The following MED28 variants were observed in gnomAD, a reference collection of about 807,000 sequenced individuals.
MED28 encodes mediator complex subunit 28.
Under a neutral mutation model 21.3 loss-of-function variants are expected in MED28, and 26 were observed. The observed-to-expected ratio is 1.22, with a 90% CI of 0.89 to 1.69. MED28 has a LOEUF of 1.69. Among genes scored for constraint, MED28 ranks in the 40% most tolerant of loss-of-function variants. The pLI is 0.00. For missense variants in MED28, 257 were observed against 215.4 expected (o/e 1.19, Z -1.21); for synonymous variants, 110 against 87.6 (o/e 1.26, Z -1.43).
At chr4:17,621,897 A>G (rs1714646833) in intron 3 of MED28, among the ~76,000 whole-genome samples, 198 bp downstream of exon 3, 1 of 152,240 alleles carries the variant, frequency 6.6e-6, no homozygotes, top group Non-Finnish European at 1.5e-5. Flanking sequence ...CCGAAAGCAG[A>G]GTGTCAGACG....
In MED28 at chr4:17,632,835, A is replaced by T. The variant is rs1244560479; in HGVS notation, c.*9037A>T. ...TCCTCATTTGGAAAACAGAAGGTTC[A>T]CCATTGTTTGGTTCTCCATTGTTCC... On this transcript the variant is annotated 3_prime_UTR_variant, in exon 4 of 4. Transcript: ENST00000237380. 6.7e-6 allele frequency: 3 copies of T among 445,488 alleles called. No individual in the cohort carries two copies. In the Admixed American group the frequency reaches 1.0e-4, roughly 15 times the overall value. 27.6% of individuals were successfully genotyped at this position (445,488 alleles called of 1,614,324 possible).
At chr4:17,620,189 A>G (rs1714577942) in intron 2 of MED28, 1 of 547,776 alleles carries the variant, frequency 1.8e-6, no homozygotes, top group Non-Finnish European at 3.3e-6. Flanking sequence ...TCGTATTCGT[A>G]CTAGGTAAAG....
rs61741403 is a variant in MED28, at chr4:17,633,713, G to A, written c.*9915G>A. The A allele has an allele frequency of 0.031, 48,492 of 1,545,800 alleles. 891 individuals are homozygous for A. The highest frequency in any genetic ancestry group is 0.037 in the Non-Finnish European group (42,191 of 1,144,226). On this transcript the variant is annotated 3_prime_UTR_variant, in exon 4 of 4. Coordinates refer to ENST00000237380, the MANE Select transcript of MED28 (RefSeq NM_025205.5). ...CCTTGTGGCAGTTTTTGCATCTGTAGACTGGTTGGGTTTGTAGGTCCGGCC... is the reference window on the plus strand; with the variant it reads ...CCTTGTGGCAGTTTTTGCATCTGTAAACTGGTTGGGTTTGTAGGTCCGGCC...
In MED28 at chr4:17,623,650, A is replaced by G. The variant is rs1714695521; in HGVS notation, c.389A>G (p.Gln130Arg). 1 of 1,614,244 alleles carries G rather than the reference A, an allele frequency of 6.2e-7. No homozygotes were observed. Among genetic ancestry groups the G allele is most frequent in the Non-Finnish European group, 8.5e-7 (1 of 1,180,046 alleles). ...TTACAGCGGAAAGATGCACTAGTCC[A>G]GAAGCACTTGACAAAGCTGAGGCAT... is the stretch of plus-strand genomic sequence containing the variant. ...NELQRKDALV[Q>R]KHLTKLRHWQ... Residue 130 changes from glutamine (Q) to arginine (R), a missense_variant, in exon 4 of 4, where the codon CAG (glutamine) becomes CGG (arginine). Coordinates refer to ENST00000237380, the MANE Select transcript of MED28 (RefSeq NM_025205.5).
In MED28 at chr4:17,614,728, G is replaced by A. The variant is rs1714390707; in HGVS notation, c.74G>A (p.Gly25Asp). The A allele has an allele frequency of 6.2e-7, 1 of 1,614,260 alleles. No homozygotes were observed. The change falls in exon 1 of 4, where the codon GGC (glycine) becomes GAC (aspartate). Residue 25 changes from glycine to aspartate, a missense_variant. Physicochemically the swap from Gly to Asp is moderately conservative, Grantham distance 94. Coordinates refer to ENST00000237380, the MANE Select transcript of MED28 (RefSeq NM_025205.5). Reference sequence around the variant, plus strand: ...CCTCAGGCCCCGCCGGGCCTTCCGGGCCAAGCTTCGCTTCTTCAGGCAGCT... The same window carrying A: ...CCTCAGGCCCCGCCGGGCCTTCCGGACCAAGCTTCGCTTCTTCAGGCAGCT... Reference protein sequence around the residue: ...GPPQAPPGLPGQASLLQAAPG... With the variant: ...GPPQAPPGLPDQASLLQAAPG...
rs201758415 is a variant in MED28, at chr4:17,614,725, C to T, written c.71C>T (p.Pro24Leu). 1.2e-6 allele frequency: 2 copies of T among 1,614,142 alleles called. No individual in the cohort carries two copies. Among genetic ancestry groups the T allele is most frequent in the African/African-American group, 1.3e-5 (1 of 74,964 alleles). Residue 24 changes from proline to leucine, a missense_variant, in exon 1 of 4, where the codon CCG becomes CTG. Physicochemically the swap from Pro to Leu is moderately conservative, Grantham distance 98. Transcript: ENST00000237380. ...PGPPQAPPGL[P>L]GQASLLQAAP... ...CCCCCTCAGGCCCCGCCGGGCCTTCCGGGCCAAGCTTCGCTTCTTCAGGCA... is the reference window on the plus strand; with the variant it reads ...CCCCCTCAGGCCCCGCCGGGCCTTCTGGGCCAAGCTTCGCTTCTTCAGGCA...
At position 17,623,693 on chromosome 4, in the gene MED28, G is replaced by A; in HGVS notation, c.432G>A (p.Glu144=). The A allele has an allele frequency of 5.6e-6, 9 of 1,614,200 alleles. No individual in the cohort carries two copies. The highest frequency in any genetic ancestry group is 7.6e-6 in the Non-Finnish European group (9 of 1,180,042). Residue 144 remains glutamate, a synonymous_variant, in exon 4 of 4, where the codon GAG becomes GAA. Coordinates refer to ENST00000237380, the MANE Select transcript of MED28 (RefSeq NM_025205.5). ...TGAGGCATTGGCAGCAGGTGCTGGA[G>A]GACATCAACGTGCAGCACAAAAAGC... ...TKLRHWQQVL[E]DINVQHKKPA... is the part of the protein sequence containing the mutation.
At position 17,629,823 on chromosome 4, in the gene MED28, A is replaced by T. The variant is rs1268377048; in HGVS notation, c.*6025A>T. 1 of 152,218 alleles carries T rather than the reference A, an allele frequency of 6.6e-6. No homozygotes were observed. Among genetic ancestry groups the T allele is most frequent in the Non-Finnish European group, 1.5e-5 (1 of 68,036 alleles). The allele number at this position is 152,218 out of a possible 1,614,324, so 9.4% of individuals were successfully genotyped here. On this transcript the variant is annotated 3_prime_UTR_variant, in exon 4 of 4. Transcript: ENST00000237380. The stretch of plus-strand genomic sequence containing the variant: ...ATTTCTTTGTCAATAGTGTTAGGGC[A>T]CAGTAGGTTCATTTACTGCTGGTAA...
chr4:17,615,348 C>G (rs1050855711), intron 1 of MED28, among the ~76,000 whole-genome samples: 7 of 152,026 alleles, frequency 4.6e-5, no homozygotes, highest in African/African-American at 1.2e-4. Flanking sequence ...CAGTTTTGCC[C>G]AAGGAGTTTA....
Position 17,627,360 on chromosome 4 carries a change from G to A in MED28, c.*3562G>A, listed in dbSNP as rs893454630. On this transcript the variant is annotated 3_prime_UTR_variant, in exon 4 of 4. Transcript: ENST00000237380. The stretch of plus-strand genomic sequence containing the variant: ...CCGCCTCAGCCTCCCAAAGTACTGA[G>A]ATTACAGGCATGAGCCACCGTGCCC... 5 of 152,346 alleles carry A rather than the reference G, an allele frequency of 3.3e-5. No individual in the cohort carries two copies. The highest frequency in any genetic ancestry group is 7.3e-5 in the Non-Finnish European group (5 of 68,164). 9.4% of individuals were successfully genotyped at this position (152,346 alleles called of 1,614,324 possible). A position where few individuals can be genotyped will look rare whatever the true frequency, so the allele number is the denominator to read the frequency against.
Position 17,629,668 on chromosome 4 carries a change from A to ATT in MED28, c.*5871_*5872dup, listed in dbSNP as rs1206800434. The ATT allele has an allele frequency of 6.6e-6, 1 of 152,148 alleles. No individual in the cohort carries two copies. Among genetic ancestry groups the ATT allele is most frequent in the Non-Finnish European group, 1.5e-5 (1 of 68,030 alleles). 9.4% of individuals were successfully genotyped at this position (152,148 alleles called of 1,614,324 possible). ...TTTCTCTCTCTTAACTTAATCCCGA[A>ATT]TTGGATAATTTCTCTTCATCTTCAC... On this transcript the variant is annotated 3_prime_UTR_variant, in exon 4 of 4. Coordinates refer to ENST00000237380, the MANE Select transcript of MED28 (RefSeq NM_025205.5).
rs145997779 is a variant in MED28, at chr4:17,621,557, T to C, written c.227-30T>C. The C allele has an allele frequency of 2.2e-3, 3,161 of 1,433,714 alleles. 74 individuals carry two copies. In the African/African-American group the frequency reaches 0.04, roughly 18 times the overall value. 88.8% of individuals were successfully genotyped at this position (1,433,714 alleles called of 1,614,324 possible). ...ATAAATGAGTCTGTTGTTTTTCTTA[T>C]TTTAATAATTTTGTTCCTTTTTTTT... On this transcript the variant is annotated intron_variant, in intron 2 of 3. Transcript: ENST00000237380.
rs1236498723 is a variant in MED28, at chr4:17,624,621, CTCTT to C, written c.*827_*830del. ...AGGGGCTAAATCTTGCTCTGATTGT[CTCTT>C]TCTGTTTTGAGTTTTGTTTGCGTGT... On this transcript the variant is annotated 3_prime_UTR_variant, in exon 4 of 4. Transcript: ENST00000237380. The C allele has an allele frequency of 6.6e-6, 1 of 151,896 alleles. No individual in the cohort carries two copies. The highest frequency in any genetic ancestry group is 1.5e-5 in the Non-Finnish European group (1 of 68,010). The allele number at this position is 151,896 out of a possible 1,614,324, so 9.4% of individuals were successfully genotyped here.
intron 1 of MED28, among the ~76,000 whole-genome samples, chr4:17,619,126 C>T (rs1485625349): frequency 6.6e-6 from 1 of 152,192 alleles, no homozygotes; most frequent in Non-Finnish European, 1.5e-5. Flanking sequence ...TCTCCCTGCC[C>T]ACTTCCTGCA....
In MED28 at chr4:17,616,806, G is replaced by A. The variant is rs144896537; in HGVS notation, c.159+1993G>A. Among the ~76,000 whole-genome samples the A allele has an allele frequency of 4.5e-4, 69 of 152,306 alleles. 1 individual carries two copies. In the East Asian group the frequency reaches 0.013, roughly 29 times the overall value. ...TGGTAGTAGATAGCAAGTGCTAGAT[G>A]AATATTTGTCAGACATTGAAGGAAT... is the stretch of plus-strand genomic sequence containing the variant. On this transcript the variant is annotated intron_variant, in intron 1 of 3. Transcript: ENST00000237380.
At position 17,633,870 on chromosome 4, in the gene MED28, C is replaced by T. The variant is rs1560162294; in HGVS notation, c.*10072C>T. The T allele has an allele frequency of 2.6e-6, 4 of 1,549,180 alleles. No homozygotes were observed. The highest frequency in any genetic ancestry group is 3.5e-6 in the Non-Finnish European group (4 of 1,145,816). ...GGCACGCTGACCACGCGGCTGGGCA[C>T]GTCCTCCACCTTCTTTTTCTGTTTG... On this transcript the variant is annotated 3_prime_UTR_variant, in exon 4 of 4. Coordinates refer to ENST00000237380, the MANE Select transcript of MED28 (RefSeq NM_025205.5).
rs1160621832 is a variant in MED28, at chr4:17,632,688, C to T, written c.*8890C>T. The T allele has an allele frequency of 1.8e-6, 2 of 1,087,592 alleles. No individual in the cohort carries two copies. Among genetic ancestry groups the T allele is most frequent in the African/African-American group, 1.6e-5 (1 of 63,246 alleles). 67.4% of individuals were successfully genotyped at this position (1,087,592 alleles called of 1,614,324 possible). The stretch of plus-strand genomic sequence containing the variant: ...AACTATGCAAGAAGCAGCTTAATAC[C>T]CACCATCTTTTCAGGGAAAGATAAC... On this transcript the variant is annotated 3_prime_UTR_variant, in exon 4 of 4. Coordinates refer to ENST00000237380, the MANE Select transcript of MED28 (RefSeq NM_025205.5).
In MED28 at chr4:17,621,906, C is replaced by T. The variant is rs529286431; in HGVS notation, c.339+207C>T. Among the ~76,000 whole-genome samples the T allele has an allele frequency of 5.3e-5, 8 of 152,248 alleles. No homozygotes were observed. The East Asian group carries it at 7.7e-4, about 15-fold the overall frequency. On this transcript the variant is annotated intron_variant, in intron 3 of 3. Transcript: ENST00000237380. The stretch of plus-strand genomic sequence containing the variant: ...TGGGGTCCGAAAGCAGAGTGTCAGA[C>T]GGAACAGCTCTGATGTGACTTGTGT...
At chr4:17,617,248 T>C (rs1176666450) in intron 1 of MED28, among the ~76,000 whole-genome samples, 1 of 152,204 alleles carries the variant, frequency 6.6e-6, no homozygotes. Flanking sequence ...CTTTGGAACT[T>C]TTCCTGTTTC....
Sources: gnomAD v4.1 joint callset for allele counts (sites outside exome capture counted in the v4.1 genomes callset) on GRCh38, gnomAD v4.1.1 for gene constraint, MANE v1.5 for transcripts, NCBI Gene and HGNC (gene_info 2026-07-23, HGNC 2026-07-21) for gene names.